OSBPL1A: variants seen among roughly 807,000 people sequenced by gnomAD.
OSBPL1A encodes oxysterol-binding protein-related protein 1.
A neutral mutation model predicts 137.1 loss-of-function variants in OSBPL1A; 80 were observed. The observed-to-expected ratio is 0.58, with a 90% CI of 0.49 to 0.70. The LOEUF (loss-of-function observed/expected upper bound fraction) is 0.70, where lower values mean the gene tolerates loss of function less well. OSBPL1A is among the 30% of genes least tolerant of loss of function. OSBPL1A has a pLI of 0.00. For missense variants in OSBPL1A, 970 were observed against 1,129.4 expected, an observed-to-expected ratio of 0.86 and a Z score of 2.02; for synonymous variants, 365 against 389.7, an observed-to-expected ratio of 0.94 and a Z score of 0.75.
At chr18:24,370,267 C>A (rs960641300) in intron 2 of OSBPL1A, among the ~76,000 whole-genome samples, 2 of 152,184 alleles carry the variant, frequency 1.3e-5, no homozygotes, top group Non-Finnish European at 2.9e-5. Flanking sequence ...GATGACTTCT[C>A]CACTCACATC....
At chr18:24,223,622 A>G (rs2087963711) in intron 17 of OSBPL1A, among the ~76,000 whole-genome samples, 1 of 152,144 alleles carries the variant, frequency 6.6e-6, no homozygotes, top group Non-Finnish European at 1.5e-5. Context: ...GTTTGACTTT[A>G]GAACACAGAA....
At chr18:24,359,029 C>A (rs1033680623) in intron 4 of OSBPL1A, among the ~76,000 whole-genome samples, 1 of 152,128 alleles carries the variant, frequency 6.6e-6, no homozygotes, top group African/African-American at 2.4e-5. Context: ...CCAGCCTGGG[C>A]AACATGGCAA....
At chr18:24,269,885 C>CACACACACA (rs375934061) in intron 15 of OSBPL1A, among the ~76,000 whole-genome samples, 42 of 151,302 alleles carry the variant, frequency 2.8e-4, no homozygotes, top group Non-Finnish European at 5.0e-4. Context: ...CACACACACA[C>CACACACACA]CATGCTAATT....
chr18:24,203,118 C>G (rs1209074878), intron 17 of OSBPL1A, among the ~76,000 whole-genome samples: 1 of 152,214 alleles, frequency 6.6e-6, no homozygotes, highest in Non-Finnish European at 1.5e-5. Flanking sequence ...GCTGGGACTA[C>G]AGGCATGCGC....
At chr18:24,260,881 A>G (rs2089431416) in intron 15 of OSBPL1A, among the ~76,000 whole-genome samples, 1 of 151,358 alleles carries the variant, frequency 6.6e-6, no homozygotes, top group Non-Finnish European at 1.5e-5. Context: ...CATATGACCT[A>G]TGACCTGGCC....
At chr18:24,194,965 T>C (rs556196840) in intron 18 of OSBPL1A, among the ~76,000 whole-genome samples, 16 of 152,262 alleles carry the variant, frequency 1.1e-4, no homozygotes, top group South Asian at 8.3e-4. Context: ...ATTTAGGAAG[T>C]TTCAGATTTC....
In OSBPL1A at chr18:24,165,051, A is replaced by C; in HGVS notation, c.2750+14T>G. 1.2e-6 allele frequency: 2 copies of C among 1,613,672 alleles called. No homozygotes were observed. Among genetic ancestry groups the C allele is most frequent in the Admixed American group, 1.7e-5 (1 of 60,022 alleles). On this transcript the variant is annotated intron_variant, in intron 27 of 27. Coordinates refer to ENST00000319481, the MANE Select transcript of OSBPL1A (RefSeq NM_080597.4). The stretch of plus-strand genomic sequence containing the variant: ...CCTGAGGGCTCAGCCACACCCCCTG[A>C]CTCAGGCACGCACCTCGTCTTCCAG...
At chr18:24,197,782 T>TTTTC (rs910955193) in intron 17 of OSBPL1A, among the ~76,000 whole-genome samples, 6 of 144,574 alleles carry the variant, frequency 4.2e-5, no homozygotes, top group African/African-American at 1.6e-4. Context: ...TGTTCTTTTC[T>TTTTC]TTTCTTTTTT....
chr18:24,332,159 T>C (rs2091089784), intron 7 of OSBPL1A, among the ~76,000 whole-genome samples: 1 of 151,884 alleles, frequency 6.6e-6, no homozygotes, highest in South Asian at 2.1e-4. Context: ...GCAGATCATT[T>C]GAGGTCAGGA....
At chr18:24,315,427 G>C (rs2090700987) in intron 11 of OSBPL1A, among the ~76,000 whole-genome samples, 1 of 151,504 alleles carries the variant, frequency 6.6e-6, no homozygotes, top group Admixed American at 6.6e-5. Context: ...ACTGAGTCCA[G>C]AGCCACTGCC....
chr18:24,192,449 C>T (rs988307998), intron 18 of OSBPL1A, among the ~76,000 whole-genome samples: 1 of 152,170 alleles, frequency 6.6e-6, no homozygotes, highest in Non-Finnish European at 1.5e-5. Context: ...TTGGTAAAAG[C>T]TTCAACCACA....
chr18:24,245,556 T>C (rs2088856764), intron 15 of OSBPL1A, among the ~76,000 whole-genome samples: 1 of 152,182 alleles, frequency 6.6e-6, no homozygotes, highest in Non-Finnish European at 1.5e-5. Context: ...CTGACTATTA[T>C]ATTGTTAAGG....
At position 24,234,036 on chromosome 18, in the gene OSBPL1A, G is replaced by A. The variant is rs566903698; in HGVS notation, c.1444+5184C>T. On this transcript the variant is annotated intron_variant, in intron 16 of 27. Coordinates refer to ENST00000319481, the MANE Select transcript of OSBPL1A (RefSeq NM_080597.4). The stretch of plus-strand genomic sequence containing the variant: ...CAAAAAAAGAAACTAATTCTGCCCG[G>A]AGGAGTCAGGAAAGGCTACCCAGGA... Among the ~76,000 whole-genome samples the A allele has an allele frequency of 8.9e-4, 135 of 152,292 alleles. 1 individual carries two copies. The highest frequency in any genetic ancestry group is 3.0e-3 in the African/African-American group (125 of 41,554).
rs774307553 is a variant in OSBPL1A at position 24,368,311 on chromosome 18, T to C, written c.183A>G (p.Arg61=). The change falls in exon 3 of 28, where the codon AGA becomes AGG. Residue 61 remains arginine (R), a synonymous_variant. Coordinates refer to ENST00000319481, the MANE Select transcript of OSBPL1A (RefSeq NM_080597.4). ...CCTTCAACAGATCCTGGACCACTTG[T>C]CTGTGTCCAAAATAGCATGCCAGAT... ...PLHLACYFGH[R]QVVQDLLKAG... The C allele has an allele frequency of 6.2e-7, 1 of 1,613,372 alleles. No homozygotes were observed. The highest frequency in any genetic ancestry group is 2.2e-5 in the East Asian group (1 of 44,864).
At chr18:24,392,434 C>G (rs1402210132) in intron 1 of OSBPL1A, among the ~76,000 whole-genome samples, 4 of 152,202 alleles carry the variant, frequency 2.6e-5, no homozygotes, top group African/African-American at 9.6e-5. Flanking sequence ...GCTGAGATTA[C>G]AGGCGTGAGC....
chr18:24,328,668 C>T (rs1164815984), intron 7 of OSBPL1A, among the ~76,000 whole-genome samples: 1 of 152,032 alleles, frequency 6.6e-6, no homozygotes, highest in Non-Finnish European at 1.5e-5. Context: ...AGAGAGCCTC[C>T]AGGACAGTTC....
At chr18:24,257,706 A>T (rs2089324825) in intron 15 of OSBPL1A, among the ~76,000 whole-genome samples, 2 of 152,226 alleles carry the variant, frequency 1.3e-5, no homozygotes, top group African/African-American at 4.8e-5. Context: ...ACAAAATTAT[A>T]AAAAATATTT....
intron 15 of OSBPL1A, among the ~76,000 whole-genome samples, chr18:24,242,960 G>A (rs2088755224): frequency 6.6e-6 from 1 of 152,128 alleles, no homozygotes; most frequent in Admixed American, 6.5e-5. Flanking sequence ...TCCATCAGAT[G>A]GGTTAAACAC....
intron 15 of OSBPL1A, among the ~76,000 whole-genome samples, chr18:24,266,229 T>C (rs1313007142): frequency 1.3e-5 from 2 of 152,190 alleles, no homozygotes; most frequent in African/African-American, 4.8e-5. Context: ...CTCCCTGGCT[T>C]TCCCCACGCT....
Sources: allele counts gnomAD v4.1 joint callset (sites outside exome capture counted in the v4.1 genomes callset), GRCh38; gene constraint gnomAD v4.1.1; transcripts MANE v1.5; gene names NCBI Gene and HGNC (gene_info 2026-07-23, HGNC 2026-07-21).